The following SRD5A2 variants were observed in gnomAD, a reference collection of about 807,000 sequenced individuals.
SRD5A2 encodes the protein steroid 5 alpha-reductase 2.
Under a neutral mutation model 27.4 loss-of-function variants are expected in SRD5A2, and 30 were observed. The observed-to-expected ratio is 1.10, with a 90% confidence interval of 0.82 to 1.49. The LOEUF (loss-of-function observed/expected upper bound fraction) is 1.49. Among genes scored for constraint, SRD5A2 ranks in the 40% most tolerant of loss-of-function variants. The pLI is 0.00. For synonymous variants in SRD5A2, 141 were observed against 133.6 expected (o/e 1.06, Z -0.38); for missense variants, 348 against 323.4 (o/e 1.08, Z -0.58).
chr2:31,584,150 G>A (rs1667138495), upstream of SRD5A2, among the ~76,000 whole-genome samples: 1 of 152,150 alleles, frequency 6.6e-6, no homozygotes. Flanking sequence ...TAGTTGGTTT[G>A]CATATGAAAG....
upstream of SRD5A2, among the ~76,000 whole-genome samples, chr2:31,582,536 C>T (rs934575994): frequency 2.0e-5 from 3 of 152,180 alleles, no homozygotes; most frequent in Admixed American, 6.5e-5. Flanking sequence ...CCATCATAGC[C>T]GTTTCAAGCT....
At chr2:31,583,349 G>C (rs1395599260), upstream of SRD5A2, among the ~76,000 whole-genome samples, 1 of 152,180 alleles carries the variant, frequency 6.6e-6, no homozygotes, top group Non-Finnish European at 1.5e-5. Flanking sequence ...GCCAAATCAA[G>C]TCATATGGTG....
intron 1 of SRD5A2, among the ~76,000 whole-genome samples, chr2:31,579,041 T>A (rs1351322814): frequency 6.6e-6 from 1 of 152,258 alleles, no homozygotes; most frequent in Non-Finnish European, 1.5e-5. Context: ...TCTTATCTCC[T>A]GTATCCAACA....
chr2:31,613,556 A>G, the SRD5A2 span, among the ~76,000 whole-genome samples: 1 of 152,230 alleles, frequency 6.6e-6, no homozygotes, highest in Non-Finnish European at 1.5e-5. Context: ...ACCCTTGTGC[A>G]CTGTTGGTGA....
chr2:31,661,421 C>T, the SRD5A2 span, among the ~76,000 whole-genome samples: 1 of 152,136 alleles, frequency 6.6e-6, no homozygotes, highest in Non-Finnish European at 1.5e-5. Context: ...GGAAACATTA[C>T]ATTTCTTACA....
At chr2:31,574,649 T>G (rs1666919549) in intron 1 of SRD5A2, among the ~76,000 whole-genome samples, 1 of 152,230 alleles carries the variant, frequency 6.6e-6, no homozygotes, top group Non-Finnish European at 1.5e-5. Context: ...AATAAAAACT[T>G]AGAACCCAAG....
At chr2:31,640,073 T>C in the SRD5A2 span, among the ~76,000 whole-genome samples, 3 of 152,060 alleles carry the variant, frequency 2.0e-5, no homozygotes, top group Admixed American at 6.6e-5. Flanking sequence ...GTGTATTTTC[T>C]AATAGCAGGT....
chr2:31,569,220 C>T (rs983137138), intron 1 of SRD5A2, among the ~76,000 whole-genome samples: 10 of 152,264 alleles, frequency 6.6e-5, no homozygotes, highest in Non-Finnish European at 2.9e-5. Flanking sequence ...GCTGCTGCTA[C>T]CACCATTTGT....
intron 1 of SRD5A2, among the ~76,000 whole-genome samples, chr2:31,534,154 T>C (rs747006494): frequency 6.6e-6 from 1 of 152,164 alleles, no homozygotes; most frequent in South Asian, 2.1e-4. Context: ...AAATAATTTA[T>C]CAAAAATTAT....
the SRD5A2 span, among the ~76,000 whole-genome samples, chr2:31,600,079 C>G: frequency 6.6e-6 from 1 of 151,906 alleles, no homozygotes; most frequent in African/African-American, 2.4e-5. Context: ...TGAGAACATA[C>G]AGTATTTGGT....
At chr2:31,567,441 T>TGA in intron 1 of SRD5A2, among the ~76,000 whole-genome samples, 1 of 81,338 alleles carries the variant, frequency 1.2e-5, no homozygotes, top group Admixed American at 1.3e-4. Flanking sequence ...TTGGTGTGTG[T>TGA]GTGTGTGTGT....
chr2:31,533,588 G>A lies in SRD5A2; in HGVS notation c.445+15C>T, dbSNP rs1665961569. 1 of 1,550,430 alleles carries A rather than the reference G, an allele frequency of 6.4e-7. No individual in the cohort carries two copies. The highest frequency in any genetic ancestry group is 8.7e-7 in the Non-Finnish European group (1 of 1,146,352). ...TTAGCTGGGAAGTAGGTGAGAAGTG[G>A]GCAGATTCACTTACCCAAGCTAAAC... On this transcript the variant is annotated intron_variant, in intron 2 of 4. Transcript: ENST00000622030.
chr2:31,628,548 G>A, the SRD5A2 span, among the ~76,000 whole-genome samples: 11 of 152,128 alleles, frequency 7.2e-5, no homozygotes, highest in Admixed American at 7.2e-4. Flanking sequence ...ACTTCTTTGT[G>A]TTGTTGCTTT....
chr2:31,633,110 C>T, the SRD5A2 span, among the ~76,000 whole-genome samples: 1 of 152,130 alleles, frequency 6.6e-6, no homozygotes. Flanking sequence ...GTGGGACCCT[C>T]CATTAGAAAT....
chr2:31,554,973 G>GTGTGTGTGTA lies in SRD5A2; in HGVS notation c.282-21208_282-21207insTACACACACA, dbSNP rs1666465680. Among the ~76,000 whole-genome samples, 11 of 147,310 alleles carry GTGTGTGTGTA rather than the reference G, an allele frequency of 7.5e-5. No individual in the cohort carries two copies. The South Asian group carries it at 2.0e-3, about 26-fold the overall frequency. The stretch of plus-strand genomic sequence containing the variant: ...TGTGTGTGTGTGTGTGTGTGTATGT[G>GTGTGTGTGTA]TGTGTGTGTGTTACCGCCAGGCCAG... On this transcript the variant is annotated intron_variant, in intron 1 of 4. Coordinates refer to ENST00000622030, the MANE Select transcript of SRD5A2 (RefSeq NM_000348.4).
At chr2:31,537,734 G>A (rs1471792639) in intron 1 of SRD5A2, among the ~76,000 whole-genome samples, 2 of 152,076 alleles carry the variant, frequency 1.3e-5, no homozygotes. Flanking sequence ...CCCAAAATTT[G>A]TGTGCTGGAA....
intron 1 of SRD5A2, among the ~76,000 whole-genome samples, chr2:31,549,966 A>G (rs1373827429): frequency 6.6e-6 from 1 of 152,182 alleles, no homozygotes; most frequent in Non-Finnish European, 1.5e-5. Flanking sequence ...GCCATGGGAT[A>G]TATACCACAG....
At chr2:31,635,267 GT>G in the SRD5A2 span, among the ~76,000 whole-genome samples, 8 of 151,992 alleles carry the variant, frequency 5.3e-5, no homozygotes, top group Admixed American at 5.2e-4. Flanking sequence ...TCACATTGTG[GT>G]TTTGATTTGA....
upstream of SRD5A2, among the ~76,000 whole-genome samples, chr2:31,581,586 A>T (rs1227069409): frequency 1.3e-5 from 2 of 152,234 alleles, no homozygotes; most frequent in East Asian, 3.9e-4. Context: ...TTCTCTCTGC[A>T]TCCCCGCACG....
Sources: gnomAD v4.1 joint callset for allele counts (sites outside exome capture counted in the v4.1 genomes callset) on GRCh38, gnomAD v4.1.1 for gene constraint, MANE v1.5 for transcripts, NCBI Gene and HGNC (gene_info 2026-07-23, HGNC 2026-07-21) for gene names.